RBM26: variants seen among roughly 807,000 people sequenced by gnomAD.
The protein encoded by RBM26 is RNA binding motif protein 26.
Under a neutral mutation model 123.6 loss-of-function variants are expected in RBM26, and 30 were observed. That is an observed-to-expected ratio of 0.24 (90% CI 0.18 to 0.33). The LOEUF is 0.33. RBM26 is among the 10% of genes least tolerant of loss of function. The probability of loss-of-function intolerance (pLI) is 1.00; values close to 1 mark genes in which losing one functional copy is unlikely to be tolerated. For synonymous variants in RBM26, 400 were observed against 404.4 expected (o/e 0.99, Z 0.13); for missense variants, 947 against 1,203.6 (o/e 0.79, Z 3.15).
At chr13:79,352,870 T>C (rs1272474194) in intron 14 of RBM26, among the ~76,000 whole-genome samples, 3 of 151,668 alleles carry the variant, frequency 2.0e-5, no homozygotes, top group African/African-American at 7.3e-5. Flanking sequence ...CAAATCAAAA[T>C]GCACAGTATC....
At chr13:79,372,110 C>T (rs2075951274) in intron 3 of RBM26, among the ~76,000 whole-genome samples, 180 bp from the exon 4 acceptor site, 1 of 151,984 alleles carries the variant, frequency 6.6e-6, no homozygotes, top group Admixed American at 6.6e-5. Context: ...GAAACCCTGT[C>T]TCTACTAAAA....
chr13:79,323,490 A>C (rs1467629318), intron 20 of RBM26, among the ~76,000 whole-genome samples: 1 of 151,608 alleles, frequency 6.6e-6, no homozygotes, highest in African/African-American at 2.4e-5. Flanking sequence ...AAAAGTACTT[A>C]TATGTATTTT....
In RBM26 at chr13:79,402,189, G is replaced by T. The variant is rs947547121; in HGVS notation, c.71+3515C>A. 1.2e-4 allele frequency among the ~76,000 whole-genome samples: 18 copies of T among 151,772 alleles called. 1 individual carries two copies. The Middle Eastern group carries it at 0.024, about 201-fold the overall frequency. On this transcript the variant is annotated intron_variant, in intron 1 of 21. Coordinates refer to ENST00000438737, the MANE Select transcript of RBM26 (RefSeq NM_001366735.2). The stretch of plus-strand genomic sequence containing the variant: ...CATCAAAACGAAATGTTAGAAAAAA[G>T]ACTAACATTTAGTTTCATATTATTG...
chr13:79,317,890 GCATT>G (rs779519205), downstream of RBM26, among the ~76,000 whole-genome samples: 6 of 151,622 alleles, frequency 4.0e-5, no homozygotes, highest in Non-Finnish European at 8.9e-5. Flanking sequence ...ATTTAAATAT[GCATT>G]CATTCATTCA....
chr13:79,323,834 C>A (rs2068003956), intron 20 of RBM26, among the ~76,000 whole-genome samples: 1 of 151,622 alleles, frequency 6.6e-6, no homozygotes, highest in African/African-American at 2.4e-5. Flanking sequence ...CCATTACAAA[C>A]TTGAGAATTA....
intron 14 of RBM26, among the ~76,000 whole-genome samples, chr13:79,345,459 C>A (rs148204330): frequency 6.6e-6 from 1 of 151,504 alleles, no homozygotes; most frequent in Non-Finnish European, 1.5e-5. Flanking sequence ...TAAAAAAAAA[C>A]GACCTGATAA....
intron 3 of RBM26, chr13:79,377,119 T>G (rs1306254587): frequency 8.8e-6 from 3 of 340,106 alleles, no homozygotes; most frequent in African/African-American, 6.1e-5. Flanking sequence ...GAGGACTTTG[T>G]AAGCTTGTGC....
At chr13:79,338,850 G>A (rs2070894459) in intron 18 of RBM26, among the ~76,000 whole-genome samples, 1 of 152,168 alleles carries the variant, frequency 6.6e-6, no homozygotes, top group Middle Eastern at 3.2e-3. Flanking sequence ...ATACATTTAG[G>A]AGTAACATAT....
Position 79,337,120 on chromosome 13 carries a change from ATCT to A in RBM26, c.2712_2714del (p.Glu904del). Reference sequence around the variant, plus strand: ...AAAGTACCGCAAAATGAGGAAGAAGATCTTCTCTATCGCTCTCCGTAAATGCAG... The same window carrying A: ...AAAGTACCGCAAAATGAGGAAGAAGATCTCTATCGCTCTCCGTAAATGCAG... On this transcript the variant is annotated inframe_deletion, in exon 19 of 22. Coordinates refer to ENST00000438737, the MANE Select transcript of RBM26 (RefSeq NM_001366735.2). 1 of 1,614,018 alleles carries A rather than the reference ATCT, an allele frequency of 6.2e-7. No homozygotes were observed. Among genetic ancestry groups the A allele is most frequent in the Non-Finnish European group, 8.5e-7 (1 of 1,179,956 alleles).
chr13:79,343,695 A>G (rs913421737), intron 16 of RBM26, among the ~76,000 whole-genome samples: 1 of 151,912 alleles, frequency 6.6e-6, no homozygotes, highest in African/African-American at 2.4e-5. Context: ...AACAAATACA[A>G]TTAATTTAAT....
intron 2 of RBM26, among the ~76,000 whole-genome samples, chr13:79,378,442 CTTTA>C (rs1348259204): frequency 3.3e-5 from 5 of 151,964 alleles, no homozygotes; most frequent in Admixed American, 6.6e-5. Flanking sequence ...TTTTAAATAA[CTTTA>C]TTTATTTTTT....
intron 20 of RBM26, among the ~76,000 whole-genome samples, chr13:79,326,070 A>T (rs536898110): frequency 3.3e-5 from 5 of 152,176 alleles, no homozygotes; most frequent in Non-Finnish European, 5.9e-5. Context: ...TATATCATTT[A>T]TGTTTGTGTA....
chr13:79,399,000 G>A (rs1029368019), intron 1 of RBM26, among the ~76,000 whole-genome samples: 1 of 152,190 alleles, frequency 6.6e-6, no homozygotes, highest in South Asian at 2.1e-4. Context: ...AAGAGCTGGA[G>A]TCTGCTTTCA....
chr13:79,332,336 AAAAT>A (rs2069573077), intron 20 of RBM26, among the ~76,000 whole-genome samples: 1 of 152,192 alleles, frequency 6.6e-6, no homozygotes, highest in Admixed American at 6.5e-5. Context: ...CTTCCCTGGC[AAAAT>A]AAAAAGTTGA....
At chr13:79,372,264 G>A (rs1301245525) in intron 3 of RBM26, among the ~76,000 whole-genome samples, 1 of 152,168 alleles carries the variant, frequency 6.6e-6, no homozygotes, top group Non-Finnish European at 1.5e-5. Context: ...CTGGGCGACA[G>A]AGTGAGGCTC....
At chr13:79,379,435 C>T (rs921081367) in intron 1 of RBM26, among the ~76,000 whole-genome samples, 14 of 148,032 alleles carry the variant, frequency 9.5e-5, no homozygotes, top group African/African-American at 3.2e-4. Context: ...CCCAGCTACT[C>T]GGGAGGCTGA....
chr13:79,369,362 C>T (rs1336782496), intron 5 of RBM26, among the ~76,000 whole-genome samples: 2 of 126,450 alleles, frequency 1.6e-5, no homozygotes, highest in African/African-American at 6.0e-5. Context: ...TTGTAGTCAT[C>T]CATTTAAAGT....
chr13:79,404,187 C>T (rs1015900574), intron 1 of RBM26, among the ~76,000 whole-genome samples: 2 of 152,172 alleles, frequency 1.3e-5, no homozygotes, highest in African/African-American at 4.8e-5. Context: ...AACTAGCCAT[C>T]CACTTTCCTT....
chr13:79,313,827 G>A (rs2066969969), exon 5 of RBM26: 1 of 149,050 alleles, frequency 6.7e-6, no homozygotes, highest in Admixed American at 6.7e-5. Context: ...CAAATGCAAT[G>A]CATACTCAAG....
Sources: allele counts gnomAD v4.1 joint callset (sites outside exome capture counted in the v4.1 genomes callset), GRCh38; gene constraint gnomAD v4.1.1; transcripts MANE v1.5; gene names NCBI Gene and HGNC (gene_info 2026-07-23, HGNC 2026-07-21).